The following ERP27 variants were observed in gnomAD, a reference collection of about 807,000 sequenced individuals.
The protein encoded by ERP27 is endoplasmic reticulum resident protein 27.
In ERP27, 23 loss-of-function variants were observed where a neutral mutation model predicts 27.7. The ratio of observed to expected loss-of-function variants is 0.83; its 90% CI spans 0.60 to 1.18. The LOEUF is 1.18. Ranked by LOEUF, ERP27 falls within the 50% of genes most tolerant of loss-of-function variation. The probability of loss-of-function intolerance (pLI) is 0.00; values close to 1 mark genes in which losing one functional copy is unlikely to be tolerated. For synonymous variants in ERP27, 159 were observed against 118.3 expected (o/e 1.34, Z -2.23); for missense variants, 363 against 327.9 (o/e 1.11, Z -0.83).
chr12:14,932,607 TGAG>T (rs1565453685), intron 3 of ERP27, among the ~76,000 whole-genome samples: 2 of 152,168 alleles, frequency 1.3e-5, no homozygotes, highest in Non-Finnish European at 2.9e-5. Context: ...TTTTAAGAAA[TGAG>T]AAATGTTGAA....
At chr12:14,930,931 A>G (rs1392525509) in intron 3 of ERP27, among the ~76,000 whole-genome samples, 1 of 152,218 alleles carries the variant, frequency 6.6e-6, no homozygotes, top group Admixed American at 6.5e-5. Context: ...CTAGAGGAAT[A>G]AATTAAGAGA....
At position 14,914,784 on chromosome 12, in the gene ERP27, TG is replaced by T. The variant is rs770932989; in HGVS notation, c.775-3del. ...TCCTTCTGATTCACGATTTTCTTTC[TG>T]GAAAACATTATAACAATGATATTTA... On this transcript the variant is annotated splice_polypyrimidine_tract_variant and splice_region_variant and intron_variant, in intron 6 of 6. Coordinates refer to ENST00000266397, the MANE Select transcript of ERP27 (RefSeq NM_152321.4). 3.1e-6 allele frequency: 5 copies of T among 1,612,684 alleles called. No homozygotes were observed. Among genetic ancestry groups the T allele is most frequent in the Admixed American group, 3.3e-5 (2 of 59,954 alleles).
At chr12:14,935,840 T>C (rs1386994944) in intron 2 of ERP27, among the ~76,000 whole-genome samples, 2 of 152,208 alleles carry the variant, frequency 1.3e-5, no homozygotes, top group Non-Finnish European at 1.5e-5. Flanking sequence ...TGCCACAGCC[T>C]CCTGAGTAGC....
At chr12:14,923,298 C>G (rs1168936361) in intron 3 of ERP27, among the ~76,000 whole-genome samples, 1 of 152,006 alleles carries the variant, frequency 6.6e-6, no homozygotes, top group Non-Finnish European at 1.5e-5. Context: ...TCATCTAGGT[C>G]TCCAGCTCAC....
intron 3 of ERP27, among the ~76,000 whole-genome samples, chr12:14,929,723 C>A (rs1863669902): frequency 6.6e-6 from 1 of 152,102 alleles, no homozygotes; most frequent in Admixed American, 6.6e-5. Context: ...TCATACCAAT[C>A]ACTCATTTTC....
At chr12:14,923,883 A>T (rs1319892331) in intron 3 of ERP27, among the ~76,000 whole-genome samples, 1 of 152,176 alleles carries the variant, frequency 6.6e-6, no homozygotes, top group Non-Finnish European at 1.5e-5. Flanking sequence ...TGTAGCTATT[A>T]TTAAATTACA....
chr12:14,935,925 T>C (rs1427743797), intron 2 of ERP27, among the ~76,000 whole-genome samples: 3 of 152,166 alleles, frequency 2.0e-5, no homozygotes, highest in African/African-American at 7.2e-5. Context: ...TTTTGCCATG[T>C]TGCCCAGGCC....
chr12:14,933,285 CAAAG>C (rs1395740514), intron 3 of ERP27, among the ~76,000 whole-genome samples: 7 of 151,952 alleles, frequency 4.6e-5, no homozygotes, highest in African/African-American at 1.7e-4. Flanking sequence ...GAGAAGGTCT[CAAAG>C]AGATTATAAA....
chr12:14,915,457 A>G, intron 6 of ERP27, 32 bp downstream of exon 6: 1 of 1,599,130 alleles, frequency 6.3e-7, no homozygotes. Flanking sequence ...TAGAAAGAAA[A>G]CAATTTGCTT....
chr12:14,924,062 G>GT (rs1485503702), intron 3 of ERP27, among the ~76,000 whole-genome samples: 2 of 152,028 alleles, frequency 1.3e-5, no homozygotes, highest in Admixed American at 1.3e-4. Context: ...TCCATAACCA[G>GT]TATTGTGCTC....
intron 4 of ERP27, 65 bp from the exon 5 acceptor site, chr12:14,917,368 G>T (rs1332023152): frequency 6.9e-6 from 11 of 1,605,348 alleles, no homozygotes; most frequent in Admixed American, 5.0e-5. Flanking sequence ...ACCTGGGAAG[G>T]AGTGAATAGG....
intron 3 of ERP27, chr12:14,929,001 C>G: frequency 6.5e-7 from 1 of 1,535,120 alleles, no homozygotes; most frequent in South Asian, 1.2e-5. Flanking sequence ...TTGCAACCAC[C>G]AAAATCATCA....
chr12:14,928,796 G>T lies in ERP27; in HGVS notation c.333+6060C>A. ...AACAAAACAAAACATGAAAGCAAGA[G>T]AAAAGGTCTTAGGTAGATCCTTGCC... On this transcript the variant is annotated intron_variant, in intron 3 of 6. Coordinates refer to ENST00000266397, the MANE Select transcript of ERP27 (RefSeq NM_152321.4). The T allele has an allele frequency of 3.2e-6, 2 of 628,072 alleles. 1 individual carries two copies. 38.9% of individuals were successfully genotyped at this position (628,072 alleles called of 1,614,324 possible).
At chr12:14,920,235 G>A (rs1463186990) in intron 4 of ERP27, among the ~76,000 whole-genome samples, 2 of 152,178 alleles carry the variant, frequency 1.3e-5, no homozygotes, top group Non-Finnish European at 2.9e-5. Context: ...CCTTTACTCA[G>A]ATTGCATGCA....
rs994954371 is a variant in ERP27 at position 14,919,930 on chromosome 12, ATTTCCTCTC to A, written c.450+993_450+1001del. Among the ~76,000 whole-genome samples the A allele has an allele frequency of 1.8e-4, 27 of 152,160 alleles. 1 individual carries two copies. The highest frequency in any genetic ancestry group is 6.3e-4 in the African/African-American group (26 of 41,560). Reference sequence around the variant, plus strand: ...TCTCCTCTATAAAATGGACACAATAATTTCCTCTCTTCTACCTCAAAAAAAATCAATATG... The same window carrying A: ...TCTCCTCTATAAAATGGACACAATAATTCTACCTCAAAAAAAATCAATATG... On this transcript the variant is annotated intron_variant, in intron 4 of 6. Transcript: ENST00000266397.
chr12:14,933,702 A>G (rs994022799), intron 3 of ERP27, among the ~76,000 whole-genome samples: 7 of 152,190 alleles, frequency 4.6e-5, no homozygotes, highest in African/African-American at 1.7e-4. Context: ...GAACTCAATG[A>G]CCAATGAAAG....
At chr12:14,937,916 T>C in intron 2 of ERP27, 36 bp downstream of exon 2, 1 of 1,584,044 alleles carries the variant, frequency 6.3e-7, no homozygotes, top group Non-Finnish European at 8.7e-7. Context: ...GTAGAACATT[T>C]CTGGCTCTTG....
At chr12:14,935,022 A>T in intron 2 of ERP27, 29 bp from the exon 3 acceptor site, 1 of 1,608,066 alleles carries the variant, frequency 6.2e-7, no homozygotes, top group South Asian at 1.1e-5. Flanking sequence ...ATAATACCAC[A>T]GTGGTTATTT....
intron 5 of ERP27, 143 bp from the exon 6 acceptor site, chr12:14,915,829 A>T (rs1015542757): frequency 1.7e-5 from 13 of 752,244 alleles, no homozygotes; most frequent in Middle Eastern, 3.9e-4. Flanking sequence ...AAAATAAATT[A>T]TTGCAGCTGT....
Sources: allele counts gnomAD v4.1 joint callset (sites outside exome capture counted in the v4.1 genomes callset), GRCh38; gene constraint gnomAD v4.1.1; transcripts MANE v1.5; gene names NCBI Gene and HGNC (gene_info 2026-07-23, HGNC 2026-07-21).